KIF1A: variants seen among roughly 807,000 people sequenced by gnomAD.
KIF1A encodes the protein kinesin-like protein KIF1A.
In KIF1A, 46 loss-of-function variants were observed where a neutral mutation model predicts 227.3. That is an observed-to-expected ratio of 0.20 (90% CI 0.16 to 0.26). KIF1A has a LOEUF of 0.26. KIF1A is among the 10% of genes least tolerant of loss of function. The pLI is 1.00. For synonymous variants in KIF1A, 1,022 were observed against 1,012.8 expected, an observed-to-expected ratio of 1.01 and a Z score of -0.17; for missense variants, 1,683 against 2,485.9, an observed-to-expected ratio of 0.68 and a Z score of 6.87.
intron 11 of KIF1A, among the ~76,000 whole-genome samples, chr2:240,774,979 A>G (rs910030492): frequency 2.6e-5 from 4 of 152,074 alleles, no homozygotes; most frequent in African/African-American, 7.2e-5. Flanking sequence ...CTGGGCACAT[A>G]CCACACGGGC....
chr2:240,729,325 A>T (rs1039057728), intron 38 of KIF1A, among the ~76,000 whole-genome samples: 1 of 151,834 alleles, frequency 6.6e-6, no homozygotes, highest in African/African-American at 2.4e-5. Context: ...CCGTGTGTGC[A>T]GACACAGCCC....
chr2:240,763,589 C>A (rs1275489426), intron 20 of KIF1A, among the ~76,000 whole-genome samples: 1 of 152,200 alleles, frequency 6.6e-6, no homozygotes, highest in East Asian at 1.9e-4. Flanking sequence ...AGATCTGGGG[C>A]TTCTGCTGTG....
At chr2:240,765,428 C>T (rs919556564) in intron 20 of KIF1A, among the ~76,000 whole-genome samples, 5 of 152,246 alleles carry the variant, frequency 3.3e-5, no homozygotes, top group Admixed American at 6.5e-5. Context: ...TCTTCCTAGG[C>T]AGGCACACCC....
intron 14 of KIF1A, chr2:240,771,348 C>T: frequency 3.4e-6 from 2 of 582,224 alleles, no homozygotes; most frequent in East Asian, 6.1e-5. Flanking sequence ...GGCCTTCCTG[C>T]CACCCCTTGC....
At chr2:240,784,955 C>T in intron 7 of KIF1A, 34 bp downstream of exon 7, 4 of 1,560,938 alleles carry the variant, frequency 2.6e-6, no homozygotes, top group East Asian at 2.2e-5. Flanking sequence ...AGCCACTGCC[C>T]TTGGTGGCAC....
chr2:240,722,508 C>T lies in KIF1A; in HGVS notation c.4613G>A (p.Arg1538His), dbSNP rs371195054. The T allele has an allele frequency of 7.1e-6, 11 of 1,547,682 alleles. No individual in the cohort carries two copies. The highest frequency in any genetic ancestry group is 4.1e-5 in the African/African-American group (3 of 72,958). ...GTTGGGAGCCTCCAGGGGTGATGGGCGGCCCTCAGCCGAGAGCGGGGAGGA... is the reference window on the plus strand; with the variant it reads ...GTTGGGAGCCTCCAGGGGTGATGGGTGGCCCTCAGCCGAGAGCGGGGAGGA... ...SASSPLSAEG[R>H]PSPLEAPNER... The change falls in exon 43 of 49, where the codon CGC (arginine) becomes CAC (histidine). Residue 1538 changes from arginine to histidine, a missense_variant. By Grantham distance (29) the Arg-to-His change is conservative (BLOSUM62 0). Transcript: ENST00000498729.
intron 10 of KIF1A, among the ~76,000 whole-genome samples, chr2:240,779,790 C>T (rs954233051): frequency 6.6e-6 from 1 of 152,210 alleles, no homozygotes; most frequent in South Asian, 2.1e-4. Context: ...CCCACACTGG[C>T]TGACACGCTT....
At position 240,767,075 on chromosome 2, in the gene KIF1A, C is replaced by T. The variant is rs1047782279; in HGVS notation, c.1578-54G>A. On this transcript the variant is annotated intron_variant, in intron 18 of 48. Transcript: ENST00000498729. ...CAGCTGGGACCCAATACACCCAGGA[C>T]GCCACCCACTGGCCTCCAGGGACGC... 33 of 1,394,826 alleles carry T rather than the reference C, an allele frequency of 2.4e-5. No individual in the cohort carries two copies. The African/African-American group carries it at 2.7e-4, about 11-fold the overall frequency. 86.4% of individuals were successfully genotyped at this position (1,394,826 alleles called of 1,614,324 possible).
At chr2:240,734,817 A>C (rs1464111194) in intron 38 of KIF1A, 1 of 1,118,802 alleles carries the variant, frequency 8.9e-7, no homozygotes, top group Non-Finnish European at 1.2e-6. Flanking sequence ...GGGGACAGGC[A>C]GAGGGAAGCG....
chr2:240,731,860 C>T (rs1156264596), intron 38 of KIF1A, among the ~76,000 whole-genome samples: 1 of 131,072 alleles, frequency 7.6e-6, no homozygotes, highest in Non-Finnish European at 1.6e-5. Context: ...TTAGTGTCTG[C>T]TATGGGGATT....
chr2:240,760,371 C>T lies in KIF1A; in HGVS notation c.2444+294G>A, dbSNP rs541015750. Among the ~76,000 whole-genome samples, 4 of 152,394 alleles carry T rather than the reference C, an allele frequency of 2.6e-5. No homozygotes were observed. In the East Asian group the frequency reaches 5.8e-4, roughly 22 times the overall value. On this transcript the variant is annotated intron_variant, in intron 25 of 48. Coordinates refer to ENST00000498729, the MANE Select transcript of KIF1A (RefSeq NM_001244008.2). Reference sequence around the variant, plus strand: ...ACAGCCTGCCCTCCCCTCCACTGCACCGTCCTGACCCCTGTGGGCCTAGGG... The same window carrying T: ...ACAGCCTGCCCTCCCCTCCACTGCATCGTCCTGACCCCTGTGGGCCTAGGG...
intron 1 of KIF1A, among the ~76,000 whole-genome samples, chr2:240,799,097 C>A (rs553003381): frequency 6.6e-6 from 1 of 152,334 alleles, no homozygotes; most frequent in African/African-American, 2.4e-5. Flanking sequence ...GAAGAAGGGA[C>A]AAGCCCCTCT....
intron 38 of KIF1A, among the ~76,000 whole-genome samples, chr2:240,731,313 TG>T (rs1366895340): frequency 1.7e-4 from 20 of 120,396 alleles, no homozygotes; most frequent in Admixed American, 4.6e-4. Context: ...AGGGAGGGGG[TG>T]GGGGCGCAGC....
chr2:240,810,031 C>T (rs536494481), intron 1 of KIF1A, among the ~76,000 whole-genome samples: 1 of 152,098 alleles, frequency 6.6e-6, no homozygotes, highest in South Asian at 2.1e-4. Flanking sequence ...CCAGGTTAGT[C>T]TCAAGCTCCT....
intron 1 of KIF1A, among the ~76,000 whole-genome samples, chr2:240,804,091 C>A (rs1029444110): frequency 2.0e-5 from 3 of 152,098 alleles, no homozygotes; most frequent in East Asian, 1.9e-4. Flanking sequence ...GACGGTGAAA[C>A]CCCATCTCTA....
intron 11 of KIF1A, among the ~76,000 whole-genome samples, chr2:240,774,901 A>C (rs968617858): frequency 6.6e-6 from 1 of 152,092 alleles, no homozygotes; most frequent in African/African-American, 2.4e-5. Flanking sequence ...GTGTATCCTC[A>C]GGGCCATGTC....
intron 38 of KIF1A, among the ~76,000 whole-genome samples, chr2:240,730,852 G>C (rs950934221): frequency 6.6e-6 from 1 of 152,186 alleles, no homozygotes; most frequent in East Asian, 1.9e-4. Flanking sequence ...TTCGCACAGG[G>C]CCCAGCCAAC....
chr2:240,771,269 A>G, intron 14 of KIF1A, 165 bp from the exon 15 acceptor site: 1 of 820,814 alleles, frequency 1.2e-6, no homozygotes, highest in Middle Eastern at 2.3e-4. Context: ...TGGGGCCCAG[A>G]GAAGGCAAGA....
chr2:240,717,519 C>T (rs2044702479), intron 48 of KIF1A, 113 bp from the exon 49 acceptor site: 1 of 893,550 alleles, frequency 1.1e-6, no homozygotes, highest in Non-Finnish European at 1.8e-6. Context: ...ACCCCATGTC[C>T]CCGCTGGTTC....
Sources: gnomAD v4.1 joint callset for allele counts (sites outside exome capture counted in the v4.1 genomes callset) on GRCh38, gnomAD v4.1.1 for gene constraint, MANE v1.5 for transcripts, NCBI Gene and HGNC (gene_info 2026-07-23, HGNC 2026-07-21) for gene names.